TBK1: variants seen among roughly 807,000 people sequenced by gnomAD.
TBK1 encodes TANK binding kinase 1.
A neutral mutation model predicts 99.9 loss-of-function variants in TBK1; 37 were observed. The ratio of observed to expected loss-of-function variants is 0.37; its 90% CI spans 0.28 to 0.49. The LOEUF (loss-of-function observed/expected upper bound fraction) is 0.49, where lower values mean the gene tolerates loss of function less well. Among genes scored for constraint, TBK1 ranks in the 20% least tolerant of loss-of-function variants. The pLI is 0.98. For missense variants in TBK1, 644 were observed against 872.5 expected (o/e 0.74, Z 3.30); for synonymous variants, 258 against 279.8 (o/e 0.92, Z 0.78).
chr12:64,488,413 C>A, intron 11 of TBK1, 74 bp from the exon 12 acceptor site: 1 of 769,962 alleles, frequency 1.3e-6, no homozygotes, highest in Non-Finnish European at 2.1e-6. Flanking sequence ...AACTGTAGTA[C>A]TGCAGTATAA....
chr12:64,495,257 T>C, intron 13 of TBK1: 1 of 407,898 alleles, frequency 2.5e-6, no homozygotes, highest in Non-Finnish European at 4.4e-6. Flanking sequence ...AATGAACTGT[T>C]TTATAAGATG....
chr12:64,492,780 T>C lies in TBK1; in HGVS notation c.1521+2661T>C, dbSNP rs569821620. ...ACTCTTTCGCCAGGTTGGAGTGCAA[T>C]GGCGTAATCTCGGCTCACTGCTACC... is the stretch of plus-strand genomic sequence containing the variant. On this transcript the variant is annotated intron_variant, in intron 13 of 20. Transcript: ENST00000331710. 4.6e-5 allele frequency among the ~76,000 whole-genome samples: 7 copies of C among 151,862 alleles called. No homozygotes were observed. The East Asian group carries it at 1.2e-3, about 25-fold the overall frequency.
At position 64,501,519 on chromosome 12, in the gene TBK1, G is replaced by T; in HGVS notation, c.*138G>T. ...TGGTCGTGTAAATATGTACAATATT[G>T]TAAATACATAAAAAATATACAAATT... On this transcript the variant is annotated 3_prime_UTR_variant, in exon 21 of 21. Coordinates refer to ENST00000331710, the MANE Select transcript of TBK1 (RefSeq NM_013254.4). The T allele has an allele frequency of 1.3e-6, 1 of 768,388 alleles. No individual in the cohort carries two copies. The highest frequency in any genetic ancestry group is 2.0e-6 in the Non-Finnish European group (1 of 499,210). The allele number at this position is 768,388 out of a possible 1,614,324, so 47.6% of individuals were successfully genotyped here.
At chr12:64,460,157 A>T in intron 2 of TBK1, 32 bp from the exon 3 acceptor site, 1 of 1,380,522 alleles carries the variant, frequency 7.2e-7, no homozygotes, top group South Asian at 1.5e-5. Flanking sequence ...AATATTATGA[A>T]TAAATAAAAC....
rs777984402 is a variant in TBK1, at chr12:64,485,470, T to C, written c.1205T>C (p.Val402Ala). The C allele has an allele frequency of 6.4e-7, 1 of 1,562,870 alleles. No individual in the cohort carries two copies. Among genetic ancestry groups the C allele is most frequent in the African/African-American group, 1.4e-5 (1 of 73,702 alleles). ...LIYEKISLPK[V>A]HPRYDLDGDA... ...CATATTTCAGTTTCCCTCCCTAAAG[T>C]ACATCCACGTTATGATTTAGACGGG... The change falls in exon 10 of 21, where the codon GTA becomes GCA. Residue 402 changes from valine (V) to alanine (A), a missense_variant. Physicochemically the swap from Val to Ala is moderately conservative, Grantham distance 64. Transcript: ENST00000331710.
At chr12:64,453,422 A>G (rs11833571) in intron 1 of TBK1, among the ~76,000 whole-genome samples, 6,101 of 152,282 alleles carry the variant, frequency 0.04, 410 homozygotes, top group African/African-American at 0.14. Flanking sequence ...AGTGAAATGT[A>G]ATGACTGGCA....
chr12:64,471,170 T>TTTG (rs548911259), intron 5 of TBK1, among the ~76,000 whole-genome samples: 63 of 152,202 alleles, frequency 4.1e-4, no homozygotes, highest in African/African-American at 8.4e-4. Flanking sequence ...GTTTTTTGTT[T>TTTG]TTGTTGTTGT....
chr12:64,464,274 T>C, intron 3 of TBK1, 60 bp from the exon 4 acceptor site: 2 of 1,380,946 alleles, frequency 1.4e-6, no homozygotes, highest in Non-Finnish European at 2.0e-6. Context: ...AGATAAGTAC[T>C]GGCATATAAT....
At position 64,495,720 on chromosome 12, in the gene TBK1, G is replaced by A; in HGVS notation, c.1665G>A (p.Leu555=). The change falls in exon 15 of 21, where the codon CTG becomes CTA. Residue 555 remains leucine (L), a synonymous_variant. Coordinates refer to ENST00000331710, the MANE Select transcript of TBK1 (RefSeq NM_013254.4). The part of the protein sequence containing the change: ...KDRNVEKLQV[L]LNCMTEIYYQ... ...ATAGTGTAGAAAAACTACAAGTCCT[G>A]TTAAATTGCATGACAGAGATTTACT... The A allele has an allele frequency of 1.2e-6, 2 of 1,608,188 alleles. No individual in the cohort carries two copies. The highest frequency in any genetic ancestry group is 1.7e-6 in the Non-Finnish European group (2 of 1,178,108).
At chr12:64,495,156 C>T (rs925163945) in intron 13 of TBK1, among the ~76,000 whole-genome samples, 7 of 152,052 alleles carry the variant, frequency 4.6e-5, no homozygotes, top group Non-Finnish European at 8.8e-5. Context: ...TTTTCAAAAC[C>T]GGGTTATGAA....
chr12:64,498,099 T>C, intron 20 of TBK1, 60 bp downstream of exon 20: 3 of 1,349,012 alleles, frequency 2.2e-6, no homozygotes, highest in Non-Finnish European at 3.1e-6. Flanking sequence ...TTCACATCTG[T>C]ACTTATATCT....
chr12:64,497,339 G>T, intron 18 of TBK1, 80 bp downstream of exon 18: 2 of 1,066,900 alleles, frequency 1.9e-6, no homozygotes, highest in Non-Finnish European at 2.6e-6. Context: ...AAATGGGATA[G>T]AATGTGCCTA....
chr12:64,454,610 A>G (rs1253916685), intron 1 of TBK1, among the ~76,000 whole-genome samples: 1 of 150,338 alleles, frequency 6.7e-6, no homozygotes, highest in Non-Finnish European at 1.5e-5. Context: ...GTCATTGGTT[A>G]ATGTTTTTTT....
At chr12:64,480,444 A>T (rs2040758505) in intron 7 of TBK1, among the ~76,000 whole-genome samples, 1 of 152,106 alleles carries the variant, frequency 6.6e-6, no homozygotes, top group African/African-American at 2.4e-5. Flanking sequence ...CTCCATATTG[A>T]TGGATAACAA....
intron 20 of TBK1, among the ~76,000 whole-genome samples, chr12:64,499,960 T>A (rs915664007): frequency 2.0e-5 from 3 of 152,124 alleles, no homozygotes; most frequent in African/African-American, 7.2e-5. Context: ...CCTCCCTGAG[T>A]GCTGAGACTA....
chr12:64,468,564 A>G (rs2040629754), intron 5 of TBK1, among the ~76,000 whole-genome samples: 1 of 152,120 alleles, frequency 6.6e-6, no homozygotes, highest in African/African-American at 2.4e-5. Context: ...AGTGCCTACT[A>G]TATACCAGAT....
intron 20 of TBK1, among the ~76,000 whole-genome samples, chr12:64,500,973 G>A (rs1409035359): frequency 6.6e-5 from 10 of 151,966 alleles, no homozygotes; most frequent in Non-Finnish European, 1.5e-4. Context: ...TGGCCAGGCC[G>A]GTCTCAAACT....
intron 8 of TBK1, among the ~76,000 whole-genome samples, chr12:64,483,403 G>A (rs2040787177): frequency 6.6e-6 from 1 of 152,182 alleles, no homozygotes; most frequent in South Asian, 2.1e-4. Context: ...TATTCATGGG[G>A]AAGCTGTCTT....
chr12:64,465,262 A>AAAAAAAAG (rs1316948159), intron 4 of TBK1, among the ~76,000 whole-genome samples: 1 of 151,168 alleles, frequency 6.6e-6, no homozygotes, highest in African/African-American at 2.4e-5. Context: ...AAAAAAAAAA[A>AAAAAAAAG]AACAAGTGTT....
Sources: gnomAD v4.1 joint callset for allele counts (sites outside exome capture counted in the v4.1 genomes callset) on GRCh38, gnomAD v4.1.1 for gene constraint, MANE v1.5 for transcripts, NCBI Gene and HGNC (gene_info 2026-07-23, HGNC 2026-07-21) for gene names.